Variants in GRXCR2 observed in about 807,000 individuals in gnomAD.
GRXCR2 encodes glutaredoxin and cysteine rich domain containing 2, also known as glutaredoxin domain-containing cysteine-rich protein 2.
A neutral mutation model predicts 24.8 loss-of-function variants in GRXCR2; 23 were observed. That is an observed-to-expected ratio of 0.93 (90% CI 0.67 to 1.32). The LOEUF is 1.32. Ranked by LOEUF, GRXCR2 falls within the 40% of genes most tolerant of loss-of-function variation. The pLI is 0.00. For synonymous variants in GRXCR2, 130 were observed against 116.1 expected, an observed-to-expected ratio of 1.12 and a Z score of -0.77; for missense variants, 315 against 303.4, an observed-to-expected ratio of 1.04 and a Z score of -0.28.
chr5:145,872,024 T>C (rs904629063), intron 1 of GRXCR2, among the ~76,000 whole-genome samples: 8 of 152,222 alleles, frequency 5.3e-5, no homozygotes, highest in African/African-American at 1.9e-4. Flanking sequence ...ATTAAACACA[T>C]TCTTCAATCG....
intron 2 of GRXCR2, among the ~76,000 whole-genome samples, chr5:145,861,821 T>C (rs1053933610): frequency 5.9e-5 from 9 of 152,096 alleles, no homozygotes; most frequent in Non-Finnish European, 1.2e-4. Context: ...ATAAAAATAA[T>C]CCCTGAAAAG....
intron 2 of GRXCR2, among the ~76,000 whole-genome samples, chr5:145,865,356 T>G (rs1366759681): frequency 6.6e-6 from 1 of 152,158 alleles, no homozygotes; most frequent in African/African-American, 2.4e-5. Flanking sequence ...TGAACGAATA[T>G]CAGCCCTCCT....
intron 2 of GRXCR2, among the ~76,000 whole-genome samples, chr5:145,928,218 A>G (rs1254280661): frequency 2.0e-5 from 3 of 152,046 alleles, no homozygotes; most frequent in Non-Finnish European, 2.9e-5. Context: ...ATCTCACACC[A>G]GTTAGAATGG....
chr5:145,889,647 T>C (rs564429699), intron 2 of GRXCR2, among the ~76,000 whole-genome samples: 1 of 152,300 alleles, frequency 6.6e-6, no homozygotes, highest in East Asian at 1.9e-4. Context: ...GGCACAAGAA[T>C]TCTGCCACCA....
intron 2 of GRXCR2, among the ~76,000 whole-genome samples, chr5:145,882,009 A>G (rs921213813): frequency 1.3e-5 from 2 of 152,250 alleles, no homozygotes; most frequent in Non-Finnish European, 2.9e-5. Context: ...CACTTTATAC[A>G]AAAATTAATT....
At chr5:145,882,173 A>G (rs1756712218) in intron 2 of GRXCR2, among the ~76,000 whole-genome samples, 1 of 152,242 alleles carries the variant, frequency 6.6e-6, no homozygotes, top group African/African-American at 2.4e-5. Flanking sequence ...GACAAACGGG[A>G]TCTATTTAAA....
upstream of GRXCR2, among the ~76,000 whole-genome samples, chr5:145,876,700 C>T (rs1398070997): frequency 6.6e-6 from 1 of 152,098 alleles, no homozygotes; most frequent in Admixed American, 6.6e-5. Flanking sequence ...TGCCATTTCC[C>T]ATGTTCACAG....
intron 2 of GRXCR2, among the ~76,000 whole-genome samples, chr5:145,887,584 C>T (rs1756795791): frequency 6.6e-6 from 1 of 152,222 alleles, no homozygotes; most frequent in Non-Finnish European, 1.5e-5. Flanking sequence ...AATTGTCCCT[C>T]ACCTCAGACT....
chr5:145,894,983 A>G (rs1756927767), intron 2 of GRXCR2, among the ~76,000 whole-genome samples: 1 of 152,178 alleles, frequency 6.6e-6, no homozygotes, highest in African/African-American at 2.4e-5. Flanking sequence ...GGTTCAACAT[A>G]CGCAAATCAA....
rs182689137 is a variant in GRXCR2, at chr5:145,927,588, C to T, written c.-70+8113G>A. 7.1e-3 allele frequency among the ~76,000 whole-genome samples: 1,075 copies of T among 152,264 alleles called. 5 individuals are homozygous for T. The highest frequency in any genetic ancestry group is 0.017 in the Middle Eastern group (5 of 294). On this transcript the variant is annotated intron_variant, in intron 2 of 3. Coordinates refer to the GRXCR2 transcript ENST00000639411. The stretch of plus-strand genomic sequence containing the variant: ...ATCCCAGGGATGAAGCCCGCTTGAT[C>T]ATGGTAGATAAGCTTTTTGATGTGC...
intron 2 of GRXCR2, among the ~76,000 whole-genome samples, chr5:145,910,906 ACT>A (rs1239125867): frequency 6.6e-6 from 1 of 151,454 alleles, no homozygotes; most frequent in African/African-American, 2.4e-5. Flanking sequence ...GCACATCCCC[ACT>A]CTGTGGATGA....
At chr5:145,866,461 G>A (rs1257973222) in intron 2 of GRXCR2, 40 bp downstream of exon 2, 4 of 1,470,996 alleles carry the variant, frequency 2.7e-6, no homozygotes, top group African/African-American at 2.8e-5. Flanking sequence ...CATTGCTGTA[G>A]GGCCAGCTCC....
chr5:145,892,911 G>A (rs111706760), intron 2 of GRXCR2, among the ~76,000 whole-genome samples: 13 of 152,192 alleles, frequency 8.5e-5, no homozygotes, highest in East Asian at 1.9e-4. Context: ...AAAGGGAAGC[G>A]CATCAGACTA....
chr5:145,930,382 T>A lies in GRXCR2; in HGVS notation c.-70+5319A>T, dbSNP rs1757462987. On this transcript the variant is annotated intron_variant, in intron 2 of 3. Coordinates refer to the GRXCR2 transcript ENST00000639411. Reference sequence around the variant, plus strand: ...TTATAAGCATGAGCCACTACTCTCTTTTTAACACAAATTGCTCAGGTCTCA... The same window carrying A: ...TTATAAGCATGAGCCACTACTCTCTATTTAACACAAATTGCTCAGGTCTCA... Among the ~76,000 whole-genome samples, 12 of 152,234 alleles carry A rather than the reference T, an allele frequency of 7.9e-5. No individual in the cohort carries two copies. The South Asian group carries it at 2.5e-3, about 32-fold the overall frequency.
chr5:145,897,579 CTCAA>C (rs1756968432), intron 2 of GRXCR2, among the ~76,000 whole-genome samples: 1 of 151,928 alleles, frequency 6.6e-6, no homozygotes, highest in Non-Finnish European at 1.5e-5. Flanking sequence ...TAAAGCAAGT[CTCAA>C]TCAATTCCAA....
intron 2 of GRXCR2, among the ~76,000 whole-genome samples, chr5:145,881,641 A>G (rs1306184550): frequency 6.6e-6 from 1 of 152,184 alleles, no homozygotes; most frequent in South Asian, 2.1e-4. Flanking sequence ...GCTACCAATG[A>G]CCTTCTTCAC....
chr5:145,864,863 G>T (rs947603592), intron 2 of GRXCR2, among the ~76,000 whole-genome samples: 4 of 152,182 alleles, frequency 2.6e-5, no homozygotes, highest in African/African-American at 9.7e-5. Flanking sequence ...ATCTTTTTGA[G>T]TGTGGGGGCA....
At chr5:145,891,013 T>C (rs1374924538) in intron 2 of GRXCR2, among the ~76,000 whole-genome samples, 1 of 151,884 alleles carries the variant, frequency 6.6e-6, no homozygotes, top group African/African-American at 2.4e-5. Flanking sequence ...CCAACAACAG[T>C]AAAACAGGAC....
At chr5:145,927,255 T>C (rs990466853) in intron 2 of GRXCR2, among the ~76,000 whole-genome samples, 17 of 152,136 alleles carry the variant, frequency 1.1e-4, no homozygotes, top group African/African-American at 3.6e-4. Flanking sequence ...GCGAGAACTT[T>C]CAACACTATG....
Sources: gnomAD v4.1 joint callset for allele counts (sites outside exome capture counted in the v4.1 genomes callset) on GRCh38, gnomAD v4.1.1 for gene constraint, MANE v1.5 for transcripts, NCBI Gene and HGNC (gene_info 2026-07-23, HGNC 2026-07-21) for gene names.